Variants in GRAMD1B observed in about 807,000 individuals in gnomAD.
The protein encoded by GRAMD1B is GRAM domain containing 1B.
A neutral mutation model predicts 99.7 loss-of-function variants in GRAMD1B; 37 were observed. The observed-to-expected ratio is 0.37, with a 90% CI of 0.29 to 0.49. GRAMD1B has a LOEUF of 0.49. Ranked by LOEUF, GRAMD1B falls within the 20% of genes least tolerant of loss-of-function variation. The pLI, the probability that GRAMD1B is intolerant of heterozygous loss-of-function variation, is 0.98. For missense variants in GRAMD1B, 888 were observed against 1,009.2 expected (o/e 0.88, Z 1.63); for synonymous variants, 427 against 387.6 (o/e 1.10, Z -1.19).
chr11:123,596,296 T>C (rs1248039856), intron 7 of GRAMD1B, among the ~76,000 whole-genome samples: 3 of 152,158 alleles, frequency 2.0e-5, no homozygotes, highest in Non-Finnish European at 4.4e-5. Context: ...GCGTGTTGGG[T>C]AATATCTCTA....
At position 123,608,737 on chromosome 11, in the gene GRAMD1B, T is replaced by A; in HGVS notation, c.1592T>A (p.Leu531His). Residue 531 changes from leucine to histidine, a missense_variant, in exon 12 of 20, where the codon CTC (leucine) becomes CAC (histidine). By Grantham distance (99) the Leu-to-His change is moderately conservative. Transcript: ENST00000635736. Reference protein sequence around the residue: ...NEVFNFSVDKLYDLLFTNSPF... With the variant: ...NEVFNFSVDKHYDLLFTNSPF... The stretch of plus-strand genomic sequence containing the variant: ...GTCTTCAACTTCAGCGTGGACAAGC[T>A]CTATGACCTCCTCTTCACCAACTCG... The A allele has an allele frequency of 6.4e-7, 1 of 1,554,176 alleles. No individual in the cohort carries two copies. Among genetic ancestry groups the A allele is most frequent in the East Asian group, 2.4e-5 (1 of 41,152 alleles).
chr11:123,571,348 T>TG (rs1024107589), intron 2 of GRAMD1B, among the ~76,000 whole-genome samples: 12 of 151,274 alleles, frequency 7.9e-5, no homozygotes, highest in African/African-American at 2.9e-4. Flanking sequence ...GCAGTGGGCG[T>TG]GGGGGGTGAG....
chr11:123,383,397 A>G (rs1461867611), intron 1 of GRAMD1B, among the ~76,000 whole-genome samples: 1 of 152,220 alleles, frequency 6.6e-6, no homozygotes, highest in East Asian at 1.9e-4. Flanking sequence ...TGGGCTAGTT[A>G]CTAACCTTGC....
chr11:123,379,681 T>C (rs1043066745), intron 1 of GRAMD1B, among the ~76,000 whole-genome samples: 2 of 152,270 alleles, frequency 1.3e-5, no homozygotes, highest in Non-Finnish European at 2.9e-5. Flanking sequence ...TTTTCATTTC[T>C]CTGGGATATA....
Position 123,521,614 on chromosome 11 carries a change from G to A in GRAMD1B, c.452+40721G>A, listed in dbSNP as rs531393949. ...TTAGGAAACTCTCAGGGTACAATCA[G>A]TGTAAGAGTCAGTTTGTGATTATGA... On this transcript the variant is annotated intron_variant, in intron 2 of 19. Coordinates refer to ENST00000635736, the MANE Select transcript of GRAMD1B (RefSeq NM_001387025.1). 7.2e-5 allele frequency among the ~76,000 whole-genome samples: 11 copies of A among 152,330 alleles called. No individual in the cohort carries two copies. The South Asian group carries it at 8.3e-4, about 11-fold the overall frequency.
At chr11:123,488,816 G>A (rs1331263110) in intron 2 of GRAMD1B, among the ~76,000 whole-genome samples, 1 of 152,202 alleles carries the variant, frequency 6.6e-6, no homozygotes, top group East Asian at 1.9e-4. Flanking sequence ...ATGCTCAAGG[G>A]AGACAGGAAG....
intron 1 of GRAMD1B, among the ~76,000 whole-genome samples, chr11:123,438,774 A>C (rs1295384403): frequency 2.0e-5 from 3 of 152,164 alleles, no homozygotes; most frequent in Non-Finnish European, 4.4e-5. Flanking sequence ...CATTTCTCCC[A>C]GGTATTATAT....
intron 1 of GRAMD1B, among the ~76,000 whole-genome samples, chr11:123,450,963 CATTT>C (rs1423642518): frequency 6.6e-6 from 1 of 152,038 alleles, no homozygotes; most frequent in Non-Finnish European, 1.5e-5. Flanking sequence ...CAGGGAATGC[CATTT>C]ATTAAGCTAC....
At chr11:123,412,793 A>G (rs1377410947) in intron 1 of GRAMD1B, among the ~76,000 whole-genome samples, 4 of 149,938 alleles carry the variant, frequency 2.7e-5, no homozygotes, top group African/African-American at 1.0e-4. Flanking sequence ...TAAAGTTTTT[A>G]TTTTTGAGAT....
At chr11:123,444,105 A>T in intron 1 of GRAMD1B, among the ~76,000 whole-genome samples, 1 of 152,116 alleles carries the variant, frequency 6.6e-6, no homozygotes, top group East Asian at 2.0e-4. Context: ...TAATCTCTTC[A>T]GGATTAGGAA....
chr11:123,488,157 A>G (rs115371191), intron 2 of GRAMD1B, among the ~76,000 whole-genome samples: 3,661 of 152,264 alleles, frequency 0.024, 66 homozygotes, highest in African/African-American at 0.033. Flanking sequence ...TTATAGGGGC[A>G]CTAATTACAT....
intron 1 of GRAMD1B, among the ~76,000 whole-genome samples, chr11:123,437,707 G>T (rs1160209688): frequency 6.6e-6 from 1 of 152,206 alleles, no homozygotes; most frequent in African/African-American, 2.4e-5. Flanking sequence ...AGCATGCTAG[G>T]CTAGGTCATC....
At position 123,513,601 on chromosome 11, in the gene GRAMD1B, C is replaced by CTTTCTTTCTTTCTTTCTTT. The variant is rs1591772451; in HGVS notation, c.452+32708_452+32709insTTTCTTTCTTTCTTTCTTT. Among the ~76,000 whole-genome samples, 348 of 37,324 alleles carry CTTTCTTTCTTTCTTTCTTT rather than the reference C, an allele frequency of 9.3e-3. 6 individuals carry two copies. Among genetic ancestry groups the CTTTCTTTCTTTCTTTCTTT allele is most frequent in the African/African-American group, 0.023 (329 of 14,426 alleles). 24.5% of individuals were successfully genotyped at this position (37,324 alleles called of 152,430 possible). On this transcript the variant is annotated intron_variant, in intron 2 of 19. Transcript: ENST00000635736. ...CCTTTCCTTCCTTCCTTCCTTCCTT[C>CTTTCTTTCTTTCTTTCTTT]CTTCCTTCCTTCCTTCCTTTCTTTC... is the stretch of plus-strand genomic sequence containing the variant.
intron 11 of GRAMD1B, among the ~76,000 whole-genome samples, chr11:123,607,631 T>A (rs1004895431): frequency 6.6e-6 from 1 of 152,172 alleles, no homozygotes; most frequent in South Asian, 2.1e-4. Flanking sequence ...TAAACTAAGG[T>A]GTGAATACCC....
intron 1 of GRAMD1B, among the ~76,000 whole-genome samples, chr11:123,452,753 T>C (rs569807130): frequency 3.7e-4 from 57 of 152,336 alleles, no homozygotes; most frequent in African/African-American, 1.3e-3. Flanking sequence ...TTTCACAGAA[T>C]AGGCAAAGAT....
At chr11:123,605,500 C>A in intron 10 of GRAMD1B, 22 bp downstream of exon 10, 1 of 1,592,478 alleles carries the variant, frequency 6.3e-7, no homozygotes, top group Non-Finnish European at 8.6e-7. Flanking sequence ...CAGCCTTTGA[C>A]TTCTACCCCC....
chr11:123,526,867 T>A (rs939082620), intron 2 of GRAMD1B, among the ~76,000 whole-genome samples: 1 of 152,212 alleles, frequency 6.6e-6, no homozygotes, highest in African/African-American at 2.4e-5. Context: ...ACCTTCCATT[T>A]AAAAAATAAA....
At chr11:123,427,100 C>T (rs953269099), upstream of GRAMD1B, among the ~76,000 whole-genome samples, 6 of 152,068 alleles carry the variant, frequency 3.9e-5, no homozygotes, top group African/African-American at 4.8e-5. Context: ...GAGAACTGTG[C>T]GGTCGCTGAG....
chr11:123,535,104 A>G (rs1182458061), intron 2 of GRAMD1B, among the ~76,000 whole-genome samples: 3 of 152,158 alleles, frequency 2.0e-5, no homozygotes, highest in Non-Finnish European at 4.4e-5. Context: ...CAGGCTCAGG[A>G]CAACCAAAGA....
Sources: allele counts gnomAD v4.1 joint callset (sites outside exome capture counted in the v4.1 genomes callset), GRCh38; gene constraint gnomAD v4.1.1; transcripts MANE v1.5; gene names NCBI Gene and HGNC (gene_info 2026-07-23, HGNC 2026-07-21).